Variants in MAP4K4 observed in about 807,000 individuals in gnomAD.
MAP4K4 encodes the protein HPK/GCK-like kinase HGK.
In MAP4K4, 38 loss-of-function variants were observed where a neutral mutation model predicts 189.6. That is an observed-to-expected ratio of 0.20 (90% CI 0.15 to 0.26). The LOEUF is 0.26. MAP4K4 is among the 10% of genes least tolerant of loss of function. MAP4K4 has a pLI of 1.00. For synonymous variants in MAP4K4, 610 were observed against 624.3 expected (o/e 0.98, Z 0.34); for missense variants, 1,054 against 1,726.9 (o/e 0.61, Z 6.91).
At chr2:101,849,450 T>C (rs1465069447) in intron 12 of MAP4K4, among the ~76,000 whole-genome samples, 5 of 152,054 alleles carry the variant, frequency 3.3e-5, no homozygotes, top group Non-Finnish European at 5.9e-5. Context: ...ATACTACTTT[T>C]CCTATTTAGA....
At chr2:101,777,107 G>A (rs2084608929) in intron 2 of MAP4K4, among the ~76,000 whole-genome samples, 1 of 152,198 alleles carries the variant, frequency 6.6e-6, no homozygotes, top group Admixed American at 6.5e-5. Context: ...AACCCTGAGT[G>A]TGAGTTCCGC....
chr2:101,842,543 C>G, intron 10 of MAP4K4, 66 bp from the exon 11 acceptor site: 1 of 1,156,110 alleles, frequency 8.6e-7, no homozygotes, highest in Non-Finnish European at 1.2e-6. Context: ...CCTGCAGATG[C>G]TTGTCTGAAC....
intron 31 of MAP4K4, among the ~76,000 whole-genome samples, chr2:101,888,464 AT>A: frequency 6.6e-6 from 1 of 152,154 alleles, no homozygotes; most frequent in Non-Finnish European, 1.5e-5. Flanking sequence ...CTGATCACTC[AT>A]GATTTCTCTT....
intron 2 of MAP4K4, among the ~76,000 whole-genome samples, chr2:101,771,461 C>A (rs2081373834): frequency 6.6e-6 from 1 of 152,180 alleles, no homozygotes. Flanking sequence ...AGCACCTCCC[C>A]TTTTGTTCCA....
chr2:101,713,740 C>G (rs1186097848), intron 2 of MAP4K4, among the ~76,000 whole-genome samples: 1 of 147,692 alleles, frequency 6.8e-6, no homozygotes, highest in African/African-American at 2.5e-5. Flanking sequence ...ACTAAAAATA[C>G]AAAAATTAGA....
chr2:101,770,990 A>G (rs1429474243), intron 2 of MAP4K4, among the ~76,000 whole-genome samples: 1 of 152,186 alleles, frequency 6.6e-6, no homozygotes, highest in Admixed American at 6.5e-5. Context: ...TAACCATCCA[A>G]GTTGAATATT....
At chr2:101,706,118 C>T (rs2042183310) in intron 2 of MAP4K4, among the ~76,000 whole-genome samples, 1 of 152,078 alleles carries the variant, frequency 6.6e-6, no homozygotes, top group Non-Finnish European at 1.5e-5. Context: ...GCGCTCATAC[C>T]AAAAGTCAGA....
intron 24 of MAP4K4, 80 bp downstream of exon 24, chr2:101,871,765 T>C: frequency 7.7e-7 from 1 of 1,292,708 alleles, no homozygotes; most frequent in Non-Finnish European, 1.1e-6. Flanking sequence ...AGGAGACCTT[T>C]CCAACACCCT....
exon 33 of MAP4K4, chr2:101,892,626 T>C (rs1158640528): frequency 3.3e-6 from 1 of 306,128 alleles, no homozygotes; most frequent in Non-Finnish European, 6.4e-6. Context: ...CTAAAACTAT[T>C]TTAAGAATGT....
rs188804099 is a variant in MAP4K4, at chr2:101,715,605, A to G, written c.123+17067A>G. Among the ~76,000 whole-genome samples the G allele has an allele frequency of 5.3e-5, 8 of 152,342 alleles. No individual in the cohort carries two copies. In the East Asian group the frequency reaches 9.6e-4, roughly 18 times the overall value. ...CTCTAATCCAAAAGTCTGAAATCCA[A>G]AATGCTCCAGTGAACATTTAGTTTG... On this transcript the variant is annotated intron_variant, in intron 2 of 32. Coordinates refer to ENST00000324219, the Ensembl canonical transcript of MAP4K4.
At chr2:101,873,331 T>G (rs890203566) in intron 24 of MAP4K4, among the ~76,000 whole-genome samples, 1 of 152,214 alleles carries the variant, frequency 6.6e-6, no homozygotes, top group Non-Finnish European at 1.5e-5. Flanking sequence ...AGTTTCATTA[T>G]AAGTATTTAC....
chr2:101,805,057 G>GGCGA (rs1331182498), intron 3 of MAP4K4, among the ~76,000 whole-genome samples: 3 of 145,004 alleles, frequency 2.1e-5, no homozygotes, highest in Admixed American at 1.4e-4. Context: ...TGGGTGACAG[G>GGCGA]GCGAGACTCC....
At chr2:101,831,910 G>A (rs2096604769) in intron 7 of MAP4K4, 59 bp downstream of exon 7, 1 of 1,573,970 alleles carries the variant, frequency 6.4e-7, no homozygotes, top group South Asian at 1.2e-5. Flanking sequence ...GAGGGATGGG[G>A]GCTTTGCTTA....
At chr2:101,698,267 C>G in intron 1 of MAP4K4, 130 bp downstream of exon 1, 4 of 421,274 alleles carry the variant, frequency 9.5e-6, no homozygotes, top group Non-Finnish European at 3.6e-6. Flanking sequence ...GCCCCTTTGT[C>G]TTCCTGTGCG....
At chr2:101,763,670 CAT>C (rs765553308) in intron 2 of MAP4K4, among the ~76,000 whole-genome samples, 10 of 152,172 alleles carry the variant, frequency 6.6e-5, no homozygotes, top group Non-Finnish European at 1.5e-4. Flanking sequence ...AAGGCCCTGG[CAT>C]TCATGGACTC....
intron 30 of MAP4K4, 125 bp downstream of exon 30, chr2:101,887,362 T>G (rs1313930262): frequency 1.1e-6 from 1 of 939,790 alleles, no homozygotes; most frequent in African/African-American, 1.7e-5. Flanking sequence ...GGGGTGAGTA[T>G]TTAAATGATA....
At chr2:101,861,128 A>AAGGCAT in intron 16 of MAP4K4, 142 bp downstream of exon 16, 1 of 717,102 alleles carries the variant, frequency 1.4e-6, no homozygotes, top group Non-Finnish European at 2.2e-6. Flanking sequence ...AGACTAAAAG[A>AAGGCAT]AGGCATAGAC....
intron 2 of MAP4K4, among the ~76,000 whole-genome samples, chr2:101,748,762 GT>G (rs2066953961): frequency 6.6e-6 from 1 of 151,532 alleles, no homozygotes; most frequent in Non-Finnish European, 1.5e-5. Context: ...AGAAAACCCC[GT>G]TGTCTCAGCC....
chr2:101,795,303 T>C (rs1046982684), intron 3 of MAP4K4, among the ~76,000 whole-genome samples: 1 of 152,238 alleles, frequency 6.6e-6, no homozygotes, highest in Non-Finnish European at 1.5e-5. Flanking sequence ...TTAGTTATTA[T>C]TGCAAAATGA....
Sources: gnomAD v4.1 joint callset for allele counts (sites outside exome capture counted in the v4.1 genomes callset) on GRCh38, gnomAD v4.1.1 for gene constraint, MANE v1.5 for transcripts, NCBI Gene and HGNC (gene_info 2026-07-23, HGNC 2026-07-21) for gene names.